The following LOC400499 variants were observed in gnomAD, a reference collection of about 807,000 sequenced individuals.
chr16:11,457,384 G>T, the LOC400499 span, among the ~76,000 whole-genome samples: 10 of 151,632 alleles, frequency 6.6e-5, no homozygotes, highest in African/African-American at 2.4e-4. Flanking sequence ...ACGAGGTCAG[G>T]AGATCAAGAC....
chr16:11,484,839 C>T, the LOC400499 span: 1 of 398,934 alleles, frequency 2.5e-6, no homozygotes, highest in Non-Finnish European at 4.4e-6. Flanking sequence ...CGGGGTGGGC[C>T]TGCCTGGGGG....
At chr16:11,525,312 A>G in the LOC400499 span, among the ~76,000 whole-genome samples, 1 of 151,782 alleles carries the variant, frequency 6.6e-6, no homozygotes, top group South Asian at 2.1e-4. Context: ...AAAAAAAGGA[A>G]AAACAAATCA....
the LOC400499 span, among the ~76,000 whole-genome samples, chr16:11,406,591 C>A: frequency 6.6e-6 from 1 of 152,228 alleles, no homozygotes; most frequent in African/African-American, 2.4e-5. Flanking sequence ...TGCCACCACG[C>A]CTGGCTAATT....
At chr16:11,523,907 C>T in the LOC400499 span, among the ~76,000 whole-genome samples, 1 of 139,488 alleles carries the variant, frequency 7.2e-6, no homozygotes, top group African/African-American at 2.7e-5. Flanking sequence ...CATCCAACCA[C>T]CCCCACCCCC....
chr16:11,421,299 C>A, the LOC400499 span, among the ~76,000 whole-genome samples: 6 of 152,234 alleles, frequency 3.9e-5, no homozygotes, highest in Non-Finnish European at 1.5e-5. Flanking sequence ...ACTTTCCCCC[C>A]AGGACTAGGC....
chr16:11,380,320 G>A, the LOC400499 span, among the ~76,000 whole-genome samples: 1 of 151,346 alleles, frequency 6.6e-6, no homozygotes, highest in African/African-American at 2.4e-5. Flanking sequence ...GTTTATCTGA[G>A]AATGTCTTAA....
chr16:11,405,815 T>C, the LOC400499 span, among the ~76,000 whole-genome samples: 8 of 152,170 alleles, frequency 5.3e-5, no homozygotes, highest in Non-Finnish European at 1.2e-4. Flanking sequence ...TGATCATGGC[T>C]TCAAAGGCTT....
chr16:11,520,507 A>C, the LOC400499 span, among the ~76,000 whole-genome samples: 2 of 152,258 alleles, frequency 1.3e-5, no homozygotes, highest in East Asian at 3.9e-4. Context: ...AAGTACAAAA[A>C]TTAGCCAGGC....
the LOC400499 span, chr16:11,519,055 G>A: frequency 1.3e-5 from 5 of 398,460 alleles, no homozygotes; most frequent in Non-Finnish European, 2.2e-5. Flanking sequence ...AGCAGTTCTA[G>A]GGCCCTGCAG....
At chr16:11,515,666 GAA>G in the LOC400499 span, among the ~76,000 whole-genome samples, 1 of 148,072 alleles carries the variant, frequency 6.8e-6, no homozygotes, top group South Asian at 2.1e-4. Context: ...GGAGGACCAA[GAA>G]GAGAAGGAAT....
the LOC400499 span, among the ~76,000 whole-genome samples, chr16:11,423,025 G>A: frequency 2.0e-5 from 3 of 150,432 alleles, no homozygotes; most frequent in Non-Finnish European, 3.0e-5. Context: ...GATGTGGGGG[G>A]CTTTTGAAGG....
chr16:11,486,101 T>C, the LOC400499 span, among the ~76,000 whole-genome samples: 2 of 142,286 alleles, frequency 1.4e-5, no homozygotes. Context: ...GACGGATAGA[T>C]GGATGAATGA....
the LOC400499 span, among the ~76,000 whole-genome samples, chr16:11,474,292 T>C: frequency 5.4e-4 from 83 of 152,360 alleles, no homozygotes; most frequent in African/African-American, 1.6e-3. Flanking sequence ...ACTTTATTTC[T>C]GGACACTGAA....
At chr16:11,420,349 A>G in the LOC400499 span, among the ~76,000 whole-genome samples, 1 of 151,286 alleles carries the variant, frequency 6.6e-6, no homozygotes, top group Non-Finnish European at 1.5e-5. Context: ...CAAGGACAAA[A>G]AACCAAACAC....
the LOC400499 span, chr16:11,417,656 G>C: frequency 2.5e-6 from 1 of 399,166 alleles, no homozygotes; most frequent in Non-Finnish European, 4.4e-6. Context: ...TCAGCACTAA[G>C]GCAGGCCTCG....
At chr16:11,515,716 A>AGGAGGAGGAAAAGGGAGG in the LOC400499 span, among the ~76,000 whole-genome samples, 1 of 87,094 alleles carries the variant, frequency 1.1e-5, no homozygotes, top group African/African-American at 4.0e-5. Context: ...AGGGAGGAGG[A>AGGAGGAGGAAAAGGGAGG]AGGAGGAGGA....
At chr16:11,514,387 G>A in the LOC400499 span, 4 of 399,240 alleles carry the variant, frequency 1.0e-5, no homozygotes, top group Non-Finnish European at 1.8e-5. Context: ...GGGGCATCTC[G>A]TGCAGCAGAC....
At chr16:11,489,541 C>T in the LOC400499 span, among the ~76,000 whole-genome samples, 2 of 152,294 alleles carry the variant, frequency 1.3e-5, no homozygotes, top group South Asian at 2.1e-4. Flanking sequence ...CCCAACCCTC[C>T]CCCCATTGTC....
chr16:11,457,332 GC>G, the LOC400499 span, among the ~76,000 whole-genome samples: 1 of 152,090 alleles, frequency 6.6e-6, no homozygotes, highest in Middle Eastern at 3.4e-3. Flanking sequence ...GGTGGCTCAC[GC>G]CTGTAATCCC....
Sources: allele counts gnomAD v4.1 joint callset (sites outside exome capture counted in the v4.1 genomes callset), GRCh38; gene constraint gnomAD v4.1.1; transcripts MANE v1.5.